ERBB4: variants seen among roughly 807,000 people sequenced by gnomAD.
ERBB4 encodes the protein erb-b2 receptor tyrosine kinase 4.
A neutral mutation model predicts 158.0 loss-of-function variants in ERBB4; 42 were observed. The ratio of observed to expected loss-of-function variants is 0.27; its 90% CI spans 0.21 to 0.34. The LOEUF is 0.34. Ranked by LOEUF, ERBB4 falls within the 10% of genes least tolerant of loss-of-function variation. ERBB4 has a pLI of 1.00. For missense variants in ERBB4, 1,333 were observed against 1,624.1 expected (o/e 0.82, Z 3.08); for synonymous variants, 583 against 558.7 (o/e 1.04, Z -0.61).
At chr2:212,421,000 T>C (rs1005408440) in intron 1 of ERBB4, among the ~76,000 whole-genome samples, 16 of 152,174 alleles carry the variant, frequency 1.1e-4, no homozygotes, top group Non-Finnish European at 1.8e-4. Context: ...ACTTGTTTTC[T>C]AGAAGTTATA....
chr2:211,913,659 ATGTG>A (rs955688390), intron 3 of ERBB4, among the ~76,000 whole-genome samples: 1 of 114,170 alleles, frequency 8.8e-6, no homozygotes, highest in Non-Finnish European at 1.8e-5. Flanking sequence ...GTGTGTGTGT[ATGTG>A]TGTATGTGTG....
At chr2:211,723,511 A>G (rs1336597388) in intron 6 of ERBB4, among the ~76,000 whole-genome samples, 1 of 152,132 alleles carries the variant, frequency 6.6e-6, no homozygotes, top group Non-Finnish European at 1.5e-5. Context: ...TCCTCAAAAC[A>G]TTGCTTCATC....
At chr2:211,821,669 A>G (rs1210924393) in intron 3 of ERBB4, among the ~76,000 whole-genome samples, 2 of 152,034 alleles carry the variant, frequency 1.3e-5, no homozygotes, top group African/African-American at 2.4e-5. Flanking sequence ...ATGCAGATCA[A>G]TGCAAGAGAA....
intron 12 of ERBB4, among the ~76,000 whole-genome samples, chr2:211,688,270 C>G (rs2072651144): frequency 6.6e-6 from 1 of 152,182 alleles, no homozygotes; most frequent in Non-Finnish European, 1.5e-5. Context: ...ATATTTCTTA[C>G]AGCGCAGTTG....
intron 5 of ERBB4, among the ~76,000 whole-genome samples, chr2:211,734,705 G>C (rs13015689): frequency 0.55 from 81,022 of 147,830 alleles, 23,197 homozygotes; most frequent in African/African-American, 0.7. Flanking sequence ...CGGATCATGA[G>C]GTCAGGAGAT....
chr2:211,812,791 A>G (rs2076789924), intron 3 of ERBB4, among the ~76,000 whole-genome samples: 3 of 152,196 alleles, frequency 2.0e-5, no homozygotes, highest in African/African-American at 7.2e-5. Flanking sequence ...CTCACAGGTC[A>G]ATCTGAGACT....
Position 212,213,083 on chromosome 2 carries a change from T to C in ERBB4, c.83-88180A>G, listed in dbSNP as rs980085350. 2.4e-4 allele frequency among the ~76,000 whole-genome samples: 36 copies of C among 151,938 alleles called. 1 individual carries two copies. Among genetic ancestry groups the C allele is most frequent in the African/African-American group, 8.2e-4 (34 of 41,382 alleles). ...ATTGACAAATGGGATCTAATTAAAC[T>C]AAAGAGCTTCTGCACAGAAAAGAAA... On this transcript the variant is annotated intron_variant, in intron 1 of 27. Coordinates refer to ENST00000342788, the MANE Select transcript of ERBB4 (RefSeq NM_005235.3).
At chr2:211,945,446 C>A (rs1488180200) in intron 3 of ERBB4, among the ~76,000 whole-genome samples, 1 of 152,022 alleles carries the variant, frequency 6.6e-6, no homozygotes, top group Non-Finnish European at 1.5e-5. Flanking sequence ...GTTGCACTTT[C>A]TTCAATTCAT....
chr2:212,114,488 G>A (rs2079514300), intron 2 of ERBB4, among the ~76,000 whole-genome samples: 1 of 152,188 alleles, frequency 6.6e-6, no homozygotes, highest in Non-Finnish European at 1.5e-5. Context: ...CCAAACAATT[G>A]TAGGAATTTA....
At chr2:212,374,469 C>T (rs927096364) in intron 1 of ERBB4, among the ~76,000 whole-genome samples, 2 of 151,994 alleles carry the variant, frequency 1.3e-5, no homozygotes, top group African/African-American at 2.4e-5. Flanking sequence ...CAAGTGTGAA[C>T]TTGCATAAAA....
intron 20 of ERBB4, among the ~76,000 whole-genome samples, chr2:211,472,133 T>A (rs1479619951): frequency 6.6e-6 from 1 of 151,880 alleles, no homozygotes; most frequent in African/African-American, 2.4e-5. Flanking sequence ...AGGCTAGAGG[T>A]AGACAGACAA....
chr2:212,125,794 C>A (rs759874173), intron 1 of ERBB4, among the ~76,000 whole-genome samples: 1 of 152,100 alleles, frequency 6.6e-6, no homozygotes, highest in African/African-American at 2.4e-5. Context: ...ATATATGTAC[C>A]AGATTTTCTT....
chr2:212,134,159 G>T (rs932116640), intron 1 of ERBB4, among the ~76,000 whole-genome samples: 4 of 151,444 alleles, frequency 2.6e-5, no homozygotes, highest in Non-Finnish European at 5.9e-5. Context: ...CTTGAATATT[G>T]CAATTTATCA....
intron 19 of ERBB4, among the ~76,000 whole-genome samples, chr2:211,584,726 T>C (rs963731504): frequency 6.6e-6 from 1 of 151,742 alleles, no homozygotes; most frequent in African/African-American, 2.4e-5. Context: ...GGAAAATGTA[T>C]CCTAACTTTA....
At chr2:211,393,218 TAAGAAA>T (rs1440860270) in intron 25 of ERBB4, among the ~76,000 whole-genome samples, 1 of 152,196 alleles carries the variant, frequency 6.6e-6, no homozygotes, top group African/African-American at 2.4e-5. Flanking sequence ...TTAGGGAAAT[TAAGAAA>T]TAGAAAGAGA....
intron 1 of ERBB4, among the ~76,000 whole-genome samples, chr2:212,295,014 C>T (rs190457391): frequency 6.6e-6 from 1 of 152,108 alleles, no homozygotes; most frequent in East Asian, 1.9e-4. Context: ...TGTGATGAGG[C>T]AGCATAGGGA....
chr2:211,522,224 C>T (rs747373185), intron 20 of ERBB4, among the ~76,000 whole-genome samples: 1 of 152,058 alleles, frequency 6.6e-6, no homozygotes, highest in Non-Finnish European at 1.5e-5. Context: ...GGGAGGAGGT[C>T]AAAAGAGCAA....
intron 1 of ERBB4, among the ~76,000 whole-genome samples, chr2:212,172,646 C>T (rs1450001967): frequency 1.3e-5 from 2 of 152,028 alleles, no homozygotes; most frequent in Non-Finnish European, 2.9e-5. Context: ...ATGGATGGAG[C>T]TGGAGGCCAT....
chr2:211,840,887 TGGAGATCAAGTG>T (rs2077455604), intron 3 of ERBB4, among the ~76,000 whole-genome samples: 1 of 152,138 alleles, frequency 6.6e-6, no homozygotes, highest in Non-Finnish European at 1.5e-5. Flanking sequence ...ATTTAAACTT[TGGAGATCAAGTG>T]GGACACTTGC....
Sources: allele counts gnomAD v4.1 joint callset (sites outside exome capture counted in the v4.1 genomes callset), GRCh38; gene constraint gnomAD v4.1.1; transcripts MANE v1.5; gene names NCBI Gene and HGNC (gene_info 2026-07-23, HGNC 2026-07-21).